The following CENPS variants were observed in gnomAD, a reference collection of about 807,000 sequenced individuals.
CENPS encodes FANCM associated histone fold protein 1.
Under a neutral mutation model 17.9 loss-of-function variants are expected in CENPS, and 16 were observed. The ratio of observed to expected loss-of-function variants is 0.90; its 90% CI spans 0.61 to 1.36. The LOEUF is 1.36. Ranked by LOEUF, CENPS falls within the 40% of genes most tolerant of loss-of-function variation. The probability of loss-of-function intolerance (pLI) is 0.00; values close to 1 mark genes in which losing one functional copy is unlikely to be tolerated. For synonymous variants in CENPS, 49 were observed against 55.8 expected, an observed-to-expected ratio of 0.88 and a Z score of 0.54; for missense variants, 160 against 158.6, an observed-to-expected ratio of 1.01 and a Z score of -0.05.
chr1:10,432,546 A>G (rs772889936), intron 1 of CENPS, among the ~76,000 whole-genome samples: 3 of 152,180 alleles, frequency 2.0e-5, no homozygotes, highest in Non-Finnish European at 4.4e-5. Context: ...CTTGGTAGGC[A>G]GCAGTGAACA....
At chr1:10,436,730 AAG>A (rs1491536305) in intron 3 of CENPS, among the ~76,000 whole-genome samples, 17 of 104,382 alleles carry the variant, frequency 1.6e-4, no homozygotes, top group African/African-American at 5.7e-4. Flanking sequence ...AAGAAAAGAA[AAG>A]AAAAAAAAAA....
chr1:10,431,845 C>CTCCGCGAGAG (rs1639931936), intron 1 of CENPS, among the ~76,000 whole-genome samples: 1 of 109,720 alleles, frequency 9.1e-6, no homozygotes, highest in African/African-American at 4.3e-5. Context: ...CAGAGCGAGA[C>CTCCGCGAGAG]TCCATCTCAG....
chr1:10,433,065 T>C (rs1639992674), intron 1 of CENPS, among the ~76,000 whole-genome samples: 1 of 152,188 alleles, frequency 6.6e-6, no homozygotes, highest in Non-Finnish European at 1.5e-5. Context: ...TATGCCCTTG[T>C]GGGTTCAGCT....
chr1:10,430,920 G>A (rs1403347403), intron 1 of CENPS: 1 of 1,261,562 alleles, frequency 7.9e-7, no homozygotes, highest in Admixed American at 4.0e-5. Flanking sequence ...GACATTCCAG[G>A]TGACGCCCGT....
chr1:10,434,098 C>T (rs1427050634), intron 2 of CENPS, 133 bp downstream of exon 2: 33 of 1,482,782 alleles, frequency 2.2e-5, no homozygotes, highest in Middle Eastern at 2.5e-4. Flanking sequence ...ATGCGTTCTT[C>T]GTGAAACACT....
chr1:10,430,635 C>A, intron 1 of CENPS, 67 bp downstream of exon 1: 1 of 1,483,256 alleles, frequency 6.7e-7, no homozygotes, highest in Non-Finnish European at 9.0e-7. Context: ...CAGAAAAGTA[C>A]CCGGCAGCCC....
chr1:10,430,851 T>G (rs984763899), intron 1 of CENPS: 42 of 1,323,762 alleles, frequency 3.2e-5, no homozygotes, highest in Non-Finnish European at 4.0e-5. Flanking sequence ...GGCCTTGCGA[T>G]GAATCCTCGG....
Position 10,442,341 on chromosome 1 carries a change from CAG to C in CENPS, c.356_357del (p.Glu119GlyfsTer18), listed in dbSNP as rs776540445. Reference sequence around the variant, plus strand: ...CGAAAAGCACAGAAGAAAAAGAAGTCAGAGGATGGAAGCAAAAATTCAAGGCA... The same window carrying C: ...CGAAAAGCACAGAAGAAAAAGAAGTCAGGATGGAAGCAAAAATTCAAGGCA... On this transcript the variant is annotated frameshift_variant, in exon 5 of 5. Coordinates refer to ENST00000309048, the MANE Select transcript of CENPS (RefSeq NM_199294.3). LOFTEE classifies it low-confidence loss of function (END_TRUNC). The C allele has an allele frequency of 3.2e-5, 51 of 1,605,446 alleles. No homozygotes were observed. The South Asian group carries it at 3.7e-4, about 12-fold the overall frequency.
chr1:10,431,175 T>C (rs1222606223), intron 1 of CENPS: 54 of 1,467,390 alleles, frequency 3.7e-5, no homozygotes, highest in Non-Finnish European at 4.6e-5. Context: ...CATTCGTTCC[T>C]TTCATCAGCG....
intron 4 of CENPS, 55 bp downstream of exon 4, chr1:10,440,468 C>A (rs1369903339): frequency 6.3e-7 from 1 of 1,597,976 alleles, no homozygotes; most frequent in East Asian, 2.2e-5. Context: ...ACATTATTCC[C>A]AATCAATCAC....
In CENPS at chr1:10,442,388, G is replaced by C; in HGVS notation, c.400G>C (p.Val134Leu). ...AAGGCAGCCAGCAGAGGCTGGAGTG[G>C]TGGAAAGTGAGAATTAAAGTCCCTC... ...NSRQPAEAGV[V>L]ESEN The change falls in exon 5 of 5, where the codon GTG becomes CTG. Residue 134 changes from valine to leucine, a missense_variant. Coordinates refer to ENST00000309048, the MANE Select transcript of CENPS (RefSeq NM_199294.3). 6.3e-7 allele frequency: 1 copy of C among 1,584,662 alleles called. No homozygotes were observed. The highest frequency in any genetic ancestry group is 8.5e-7 in the Non-Finnish European group (1 of 1,172,150).
chr1:10,441,214 G>GTC (rs1243228131), intron 4 of CENPS, among the ~76,000 whole-genome samples: 1 of 151,030 alleles, frequency 6.6e-6, no homozygotes, highest in Non-Finnish European at 1.5e-5. Context: ...TGGACATGCA[G>GTC]TCTCTCTCTG....
intron 3 of CENPS, among the ~76,000 whole-genome samples, chr1:10,435,001 C>T (rs1640085034): frequency 6.6e-6 from 1 of 152,198 alleles, no homozygotes; most frequent in Non-Finnish European, 1.5e-5. Flanking sequence ...AAAACCATGT[C>T]TTCGGGTGGT....
intron 1 of CENPS, among the ~76,000 whole-genome samples, chr1:10,433,553 A>C (rs1640017347): frequency 6.6e-6 from 1 of 152,262 alleles, no homozygotes; most frequent in Non-Finnish European, 1.5e-5. Flanking sequence ...GAAACCACTC[A>C]GGGCCTTGGC....
chr1:10,433,309 A>C (rs1158681532), intron 1 of CENPS, among the ~76,000 whole-genome samples: 1 of 152,134 alleles, frequency 6.6e-6, no homozygotes. Flanking sequence ...CAACCCTCCA[A>C]ATCGAGAGGG....
At chr1:10,439,860 T>C (rs1300645) in intron 3 of CENPS, among the ~76,000 whole-genome samples, 3,464 of 152,320 alleles carry the variant, frequency 0.023, 57 homozygotes, top group Non-Finnish European at 0.033. Context: ...TTTTTCCTGT[T>C]AAGTTAGCCC....
At chr1:10,433,800 T>C (rs766088557) in intron 1 of CENPS, 42 bp from the exon 2 acceptor site, 8 of 1,611,926 alleles carry the variant, frequency 5.0e-6, no homozygotes, top group African/African-American at 1.3e-5. Context: ...AAAGCTCTTA[T>C]TTGCAGCCTT....
At chr1:10,431,321 C>T in intron 1 of CENPS, 3 of 1,535,268 alleles carry the variant, frequency 2.0e-6, no homozygotes, top group Non-Finnish European at 2.6e-6. Context: ...TTCCTCTCTA[C>T]AAAGTTACAC....
chr1:10,440,565 C>G, intron 4 of CENPS, 152 bp downstream of exon 4: 2 of 1,065,784 alleles, frequency 1.9e-6, no homozygotes, highest in South Asian at 1.9e-5. Flanking sequence ...AATTTACAGT[C>G]TTGCTTTCAT....
Sources: allele counts gnomAD v4.1 joint callset (sites outside exome capture counted in the v4.1 genomes callset), GRCh38; gene constraint gnomAD v4.1.1; transcripts MANE v1.5; gene names NCBI Gene and HGNC (gene_info 2026-07-23, HGNC 2026-07-21).